RADX: variants seen among roughly 807,000 people sequenced by gnomAD.
RADX encodes the protein RPA-related protein RADX.
A neutral mutation model predicts 61.6 loss-of-function variants in RADX; 36 were observed. The observed-to-expected ratio is 0.58, with a 90% CI of 0.45 to 0.77. The LOEUF (loss-of-function observed/expected upper bound fraction) is 0.77. RADX is among the 30% of genes least tolerant of loss of function. The pLI, the probability that RADX is intolerant of heterozygous loss-of-function variation, is 0.00. For synonymous variants in RADX, 272 were observed against 237.9 expected (o/e 1.14, Z -1.32); for missense variants, 497 against 651.1 (o/e 0.76, Z 2.58).
chrX:106,647,589 C>G (rs1306524534), intron 10 of RADX, among the ~76,000 whole-genome samples: 2 of 111,141 alleles, frequency 1.8e-5, no homozygotes, highest in Non-Finnish European at 3.8e-5. Flanking sequence ...AGTGGATATA[C>G]TAATTTACAT....
At chrX:106,630,273 C>T (rs948065012) in intron 3 of RADX, among the ~76,000 whole-genome samples, 1 of 109,065 alleles carries the variant, frequency 9.2e-6, no homozygotes, top group Admixed American at 9.9e-5. Flanking sequence ...TTCAATGAGC[C>T]GTGATTGCAC....
rs1270715937 is a variant in RADX at position 106,666,312 on chromosome X, A to G, written c.2270-2851A>G. 2.7e-5 allele frequency among the ~76,000 whole-genome samples: 3 copies of G among 112,143 alleles called. No homozygotes were observed. In the South Asian group the frequency reaches 1.1e-3, roughly 41 times the overall value. Reference sequence around the variant, plus strand: ...ATCAAAGTTTAAAAGTCATCTCCTCAATTTTCATTTGACTTAGATAATTAG... The same window carrying G: ...ATCAAAGTTTAAAAGTCATCTCCTCGATTTTCATTTGACTTAGATAATTAG... On this transcript the variant is annotated intron_variant, in intron 12 of 13. Transcript: ENST00000372548.
chrX:106,613,045 A>G (rs766510451), intron 1 of RADX, among the ~76,000 whole-genome samples: 217 of 111,973 alleles, frequency 1.9e-3, no homozygotes, highest in Non-Finnish European at 3.4e-3. Flanking sequence ...TACATGTTTG[A>G]TTGTGGTGGA....
intron 1 of RADX, among the ~76,000 whole-genome samples, chrX:106,621,838 G>A (rs979409584): frequency 9.1e-6 from 1 of 110,339 alleles, no homozygotes; most frequent in Non-Finnish European, 1.9e-5. Flanking sequence ...ACAGGGCCAT[G>A]TCTGTCATGT....
At chrX:106,661,990 G>A (rs747575024) in intron 11 of RADX, 25 bp from the exon 12 acceptor site, 3 of 1,185,408 alleles carry the variant, frequency 2.5e-6, no homozygotes, top group South Asian at 1.8e-5. Flanking sequence ...GATCAATTGT[G>A]TCTATCTCCT....
chrX:106,679,328 C>T lies in RADX; in HGVS notation c.*1070C>T, dbSNP rs1475708675. 1.8e-5 allele frequency: 2 copies of T among 112,017 alleles called. No individual in the cohort carries two copies. The highest frequency in any genetic ancestry group is 6.5e-5 in the African/African-American group (2 of 30,867). The allele number at this position is 112,017 out of a possible 1,213,427, so 9.2% of individuals were successfully genotyped here. On this transcript the variant is annotated 3_prime_UTR_variant, in exon 14 of 14. Coordinates refer to ENST00000372548, the MANE Select transcript of RADX (RefSeq NM_018015.6). ...ACCTAAAGACATACTGCAGTTTGTT[C>T]ATAAATGTATTCAGTCTTTTATTCT... is the stretch of plus-strand genomic sequence containing the variant.
intron 12 of RADX, among the ~76,000 whole-genome samples, chrX:106,666,612 A>C (rs1225169329): frequency 8.9e-6 from 1 of 112,312 alleles, no homozygotes; most frequent in African/African-American, 3.2e-5. Context: ...GAAAATATAA[A>C]GATGAGTAAA....
rs1928573291 is a variant in RADX, at chrX:106,678,765, G to T, written c.*507G>T. ...CATTTTCAAAAGTACACATTATTAG[G>T]GTCTAGTTGCCCCTGGTCCTTAGCT... On this transcript the variant is annotated 3_prime_UTR_variant, in exon 14 of 14. Transcript: ENST00000372548. 8.9e-6 allele frequency: 1 copy of T among 111,818 alleles called. No individual in the cohort carries two copies. The highest frequency in any genetic ancestry group is 3.7e-4 in the South Asian group (1 of 2,702). The allele number at this position is 111,818 out of a possible 1,213,427, so 9.2% of individuals were successfully genotyped here.
At chrX:106,627,565 T>G (rs1927102239) in intron 3 of RADX, among the ~76,000 whole-genome samples, 1 of 111,224 alleles carries the variant, frequency 9.0e-6, no homozygotes, top group African/African-American at 3.3e-5. Flanking sequence ...AAGACATTTC[T>G]GCAATCTGAC....
At chrX:106,626,303 T>TG (rs764024291) in intron 3 of RADX, among the ~76,000 whole-genome samples, 304 of 112,115 alleles carry the variant, frequency 2.7e-3, no homozygotes, top group African/African-American at 9.4e-3. Flanking sequence ...AGGTAGCAGT[T>TG]GTTCATTGTT....
chrX:106,675,360 T>G (rs1473971933), intron 13 of RADX, among the ~76,000 whole-genome samples: 1 of 112,557 alleles, frequency 8.9e-6, no homozygotes, highest in Non-Finnish European at 1.9e-5. Flanking sequence ...AGAAGTTTAT[T>G]TCTTGCTCAA....
intron 6 of RADX, among the ~76,000 whole-genome samples, chrX:106,634,234 C>G (rs1927308075): frequency 9.0e-6 from 1 of 111,333 alleles, no homozygotes; most frequent in East Asian, 2.8e-4. Context: ...CTCCCAGGTT[C>G]AAATGATTCT....
At chrX:106,619,518 G>A (rs1468734260) in intron 1 of RADX, among the ~76,000 whole-genome samples, 1 of 111,869 alleles carries the variant, frequency 8.9e-6, no homozygotes, top group Non-Finnish European at 1.9e-5. Context: ...GGAAAGAGCT[G>A]TTCTTTGAAA....
At chrX:106,667,061 C>T (rs774502813) in intron 12 of RADX, among the ~76,000 whole-genome samples, 3 of 112,028 alleles carry the variant, frequency 2.7e-5, no homozygotes, top group African/African-American at 9.7e-5. Flanking sequence ...AGATAAAAAC[C>T]CTGCCCTATG....
chrX:106,613,499 GAAAT>G (rs1229294848), intron 1 of RADX, among the ~76,000 whole-genome samples: 1 of 111,735 alleles, frequency 8.9e-6, no homozygotes, highest in Non-Finnish European at 1.9e-5. Context: ...AATGGGGAAA[GAAAT>G]AAAATGCAAA....
chrX:106,618,740 G>A (rs1926871492), intron 1 of RADX, among the ~76,000 whole-genome samples: 1 of 110,816 alleles, frequency 9.0e-6, no homozygotes, highest in South Asian at 3.9e-4. Flanking sequence ...GGTTGAGGCT[G>A]CACTGAGCCT....
chrX:106,672,737 A>G (rs1928398109), intron 13 of RADX, among the ~76,000 whole-genome samples: 1 of 112,043 alleles, frequency 8.9e-6, no homozygotes, highest in South Asian at 3.7e-4. Flanking sequence ...CCTCCAGTCC[A>G]CAAGCAGGTC....
chrX:106,661,939 GT>G (rs746693780), intron 11 of RADX, 75 bp from the exon 12 acceptor site: 217 of 881,357 alleles, frequency 2.5e-4, no homozygotes, highest in Middle Eastern at 6.5e-4. Context: ...TTAATGTGTG[GT>G]TTTTTTTTGC....
intron 10 of RADX, among the ~76,000 whole-genome samples, chrX:106,641,623 T>A (rs1253158657): frequency 9.0e-6 from 1 of 111,192 alleles, no homozygotes; most frequent in Non-Finnish European, 1.9e-5. Flanking sequence ...GCATTAGATT[T>A]TAAGGCTTCA....
Sources: gnomAD v4.1 joint callset for allele counts (sites outside exome capture counted in the v4.1 genomes callset) on GRCh38, gnomAD v4.1.1 for gene constraint, MANE v1.5 for transcripts, NCBI Gene and HGNC (gene_info 2026-07-23, HGNC 2026-07-21) for gene names.